Variants in NAT10 observed in about 807,000 individuals in gnomAD.
NAT10 encodes RNA cytidine acetyltransferase.
A neutral mutation model predicts 132.2 loss-of-function variants in NAT10; 109 were observed. The observed-to-expected ratio is 0.82, with a 90% CI of 0.71 to 0.97. The LOEUF is 0.97. Ranked by LOEUF, NAT10 falls within the 50% of genes least tolerant of loss-of-function variation. The probability of loss-of-function intolerance (pLI) is 0.00; values close to 1 mark genes in which losing one functional copy is unlikely to be tolerated. For missense variants in NAT10, 1,184 were observed against 1,263.4 expected (o/e 0.94, Z 0.95); for synonymous variants, 479 against 478.0 (o/e 1.00, Z -0.03).
chr11:34,136,845 G>T, intron 20 of NAT10, 70 bp downstream of exon 20: 1 of 1,612,552 alleles, frequency 6.2e-7, no homozygotes. Flanking sequence ...TGGGCTGTGT[G>T]TCTCTGTTGG....
intron 11 of NAT10, among the ~76,000 whole-genome samples, chr11:34,126,560 A>G (rs1223200240): frequency 1.3e-5 from 2 of 152,150 alleles, no homozygotes; most frequent in Admixed American, 6.5e-5. Context: ...AAATTTGCCA[A>G]ATTCTCCTTC....
At chr11:34,129,781 G>A (rs972953429) in intron 12 of NAT10, among the ~76,000 whole-genome samples, 2 of 151,386 alleles carry the variant, frequency 1.3e-5, no homozygotes, top group Admixed American at 6.6e-5. Context: ...GCTAACTTTT[G>A]TATTTTTAGT....
rs772895064 is a variant in NAT10 at position 34,136,988 on chromosome 11, C to T, written c.2173C>T (p.Arg725Ter). The T allele has an allele frequency of 5.2e-5, 84 of 1,614,052 alleles. No homozygotes were observed. Among genetic ancestry groups the T allele is most frequent in the East Asian group, 3.3e-4 (15 of 44,898 alleles). The change falls in exon 21 of 29, where the codon CGA becomes TGA. Residue 725 changes from arginine (R) to a stop codon, truncating the protein, a stop_gained. Coordinates refer to ENST00000257829, the MANE Select transcript of NAT10 (RefSeq NM_024662.3). LOFTEE classifies it high-confidence loss of function. ...TTTGTATCTTTGCAGGTTCTGGAAA[C>T]GAGCTGGATTTGTTCCTGTTTATCT... ...LTPRLLKFWK[R>*]AGFVPVYLRQ...
In NAT10 at chr11:34,115,900, C is replaced by A; in HGVS notation, c.557+16C>A. 1 of 1,613,376 alleles carries A rather than the reference C, an allele frequency of 6.2e-7. No individual in the cohort carries two copies. Among genetic ancestry groups the A allele is most frequent in the Non-Finnish European group, 8.5e-7 (1 of 1,179,574 alleles). ...TTAATGAAAGGTAATTCTATAGTTCCCCCCAATTGTGGGGCAGCCACATTG... is the reference window on the plus strand; with the variant it reads ...TTAATGAAAGGTAATTCTATAGTTCACCCCAATTGTGGGGCAGCCACATTG... On this transcript the variant is annotated intron_variant, in intron 6 of 28. Transcript: ENST00000257829.
In NAT10 at chr11:34,139,483, C is replaced by T; in HGVS notation, c.2407C>T (p.Pro803Ser). The T allele has an allele frequency of 6.2e-7, 1 of 1,613,938 alleles. No individual in the cohort carries two copies. The highest frequency in any genetic ancestry group is 8.5e-7 in the Non-Finnish European group (1 of 1,179,850). Residue 803 changes from proline (P) to serine (S), a missense_variant, in exon 23 of 29, where the codon CCA (proline) becomes TCA (serine). By Grantham distance (74) the Pro-to-Ser change is moderately conservative. Transcript: ENST00000257829. The part of the protein sequence containing the change: ...NIIQNRNMGK[P>S]AQPALSREEL... ...CATTCAGAACAGGAACATGGGGAAG[C>T]CAGCCCAGCCTGGTGAGCCGGGTGG...
intron 3 of NAT10, among the ~76,000 whole-genome samples, chr11:34,111,071 T>C (rs946963424): frequency 2.6e-5 from 4 of 152,246 alleles, no homozygotes; most frequent in African/African-American, 9.6e-5. Flanking sequence ...TATTTTTCAT[T>C]TGGCAAATAT....
At chr11:34,115,432 A>G (rs2134157822) in intron 5 of NAT10, among the ~76,000 whole-genome samples, 1 of 152,194 alleles carries the variant, frequency 6.6e-6, no homozygotes, top group South Asian at 2.1e-4. Flanking sequence ...TCTATATTTC[A>G]TATGTAGCAT....
rs147199387 is a variant in NAT10, at chr11:34,141,126, T to C, written c.2630T>C (p.Val877Ala). ...LLGIGLQHKS[V>A]DQLEKEIELP... Reference sequence around the variant, plus strand: ...GGGATTGGCCTGCAGCATAAGTCTGTGGACCAGCTGGAAAAGGAGATTGAG... The same window carrying C: ...GGGATTGGCCTGCAGCATAAGTCTGCGGACCAGCTGGAAAAGGAGATTGAG... The change falls in exon 25 of 29, where the codon GTG (valine) becomes GCG (alanine). Residue 877 changes from valine (V) to alanine (A), a missense_variant. Physicochemically the swap from Val to Ala is moderately conservative, Grantham distance 64 (BLOSUM62 0). Transcript: ENST00000257829. The C allele has an allele frequency of 7.3e-5, 118 of 1,614,068 alleles. No homozygotes were observed. The African/African-American group carries it at 1.5e-3, about 20-fold the overall frequency.
At position 34,133,025 on chromosome 11, in the gene NAT10, G is replaced by T; in HGVS notation, c.1618-1G>T. 2 of 1,613,400 alleles carry T rather than the reference G, an allele frequency of 1.2e-6. No homozygotes were observed. On this transcript the variant is annotated splice_acceptor_variant, in intron 15 of 28. Transcript: ENST00000257829. LOFTEE classifies it high-confidence loss of function. The stretch of plus-strand genomic sequence containing the variant: ...CACTGACCCGTGTTTGGCTTCCACA[G>T]AACTCTCCCAATGATCTCCAGATGC...
intron 11 of NAT10, among the ~76,000 whole-genome samples, chr11:34,125,282 A>G (rs1851967001): frequency 6.6e-6 from 1 of 152,204 alleles, no homozygotes; most frequent in Non-Finnish European, 1.5e-5. Context: ...GGTGAGGGTC[A>G]GGCTGCAGGC....
chr11:34,135,118 C>A, intron 18 of NAT10, 57 bp from the exon 19 acceptor site: 1 of 1,417,262 alleles, frequency 7.1e-7, no homozygotes, highest in Non-Finnish European at 9.9e-7. Flanking sequence ...GTCACTGTGG[C>A]TTAGACTGAG....
chr11:34,142,210 C>T (rs1158766743), intron 26 of NAT10, 65 bp from the exon 27 acceptor site: 8 of 1,493,032 alleles, frequency 5.4e-6, no homozygotes, highest in African/African-American at 1.4e-5. Context: ...CCCAGCTTCA[C>T]CTTTTCCTGT....
intron 15 of NAT10, among the ~76,000 whole-genome samples, chr11:34,132,552 G>A (rs1488652582): frequency 1.3e-5 from 2 of 152,158 alleles, no homozygotes; most frequent in Non-Finnish European, 2.9e-5. Context: ...CTACTTTTAT[G>A]GAACAGTGAA....
chr11:34,118,123 CTG>C, intron 6 of NAT10, 55 bp from the exon 7 acceptor site: 3 of 1,385,726 alleles, frequency 2.2e-6, no homozygotes, highest in Non-Finnish European at 3.1e-6. Flanking sequence ...AAGTTATACT[CTG>C]TATAGACATT....
At chr11:34,131,083 T>C (rs1852097108) in intron 13 of NAT10, 146 bp downstream of exon 13, 1 of 1,294,400 alleles carries the variant, frequency 7.7e-7, no homozygotes, top group East Asian at 2.5e-5. Context: ...GAGAAGTAGC[T>C]TTTTTCGGAG....
chr11:34,141,650 C>G, intron 25 of NAT10, 69 bp from the exon 26 acceptor site: 1 of 1,390,644 alleles, frequency 7.2e-7, no homozygotes, highest in South Asian at 1.2e-5. Flanking sequence ...CACCAAGTGT[C>G]TGGGTCACGG....
chr11:34,133,249 C>A, intron 16 of NAT10, 107 bp downstream of exon 16: 1 of 903,944 alleles, frequency 1.1e-6, no homozygotes, highest in Non-Finnish European at 1.8e-6. Flanking sequence ...CTGTGGAGTC[C>A]TGGTCTGGAA....
At chr11:34,139,715 G>C (rs1359442302) in intron 23 of NAT10, among the ~76,000 whole-genome samples, 1 of 152,160 alleles carries the variant, frequency 6.6e-6, no homozygotes, top group Non-Finnish European at 1.5e-5. Flanking sequence ...TAATGTCAGA[G>C]GTGTCCATTT....
intron 11 of NAT10, 98 bp from the exon 12 acceptor site, chr11:34,127,365 G>T: frequency 7.8e-7 from 1 of 1,288,796 alleles, no homozygotes. Flanking sequence ...GAAACAGGGA[G>T]AGAGAGGAAA....
Sources: gnomAD v4.1 joint callset for allele counts (sites outside exome capture counted in the v4.1 genomes callset) on GRCh38, gnomAD v4.1.1 for gene constraint, MANE v1.5 for transcripts, NCBI Gene and HGNC (gene_info 2026-07-23, HGNC 2026-07-21) for gene names.